The following HEATR1 variants were observed in gnomAD, a reference collection of about 807,000 sequenced individuals.
HEATR1 encodes the protein HEAT repeat-containing protein 1.
HEATR1 carries 77 observed loss-of-function variants against 248.2 expected under a neutral mutation model. That is an observed-to-expected ratio of 0.31 (90% confidence interval 0.26 to 0.37). The LOEUF (loss-of-function observed/expected upper bound fraction) is 0.37. HEATR1 is among the 10% of genes least tolerant of loss of function. The pLI is 1.00. For synonymous variants in HEATR1, 897 were observed against 923.1 expected (o/e 0.97, Z 0.51); for missense variants, 2,420 against 2,504.9 (o/e 0.97, Z 0.72).
chr1:236,559,967 A>T (rs1663082152), intron 33 of HEATR1, 130 bp from the exon 34 acceptor site: 8 of 958,754 alleles, frequency 8.3e-6, no homozygotes, highest in Non-Finnish European at 1.2e-5. Context: ...TATTTCAAAA[A>T]CTACTCGGAA....
intron 9 of HEATR1, 43 bp downstream of exon 9, chr1:236,593,969 C>T (rs1427915478): frequency 2.3e-6 from 3 of 1,301,258 alleles, no homozygotes; most frequent in South Asian, 1.3e-5. Flanking sequence ...TATACTGAGT[C>T]ACAAAAATGT....
At chr1:236,554,360 C>G (rs1011634457) in intron 42 of HEATR1, among the ~76,000 whole-genome samples, 6 of 152,298 alleles carry the variant, frequency 3.9e-5, no homozygotes, top group African/African-American at 1.2e-4. Flanking sequence ...CCACTGCACT[C>G]CAGCCTGGGT....
rs1488963538 is a variant in HEATR1, at chr1:236,604,245, T to C, written c.-32-118A>G. The C allele has an allele frequency of 3.3e-5, 24 of 733,408 alleles. No individual in the cohort carries two copies. The South Asian group carries it at 4.0e-4, about 12-fold the overall frequency. 45.4% of individuals were successfully genotyped at this position (733,408 alleles called of 1,614,324 possible). A position where few individuals can be genotyped will look rare whatever the true frequency, so the allele number is the denominator to read the frequency against. ...ACACACAACGCGGGTGTCCTGAGATTTGTGGACCCCGGAGATGCAAAGACG... is the reference window on the plus strand; with the variant it reads ...ACACACAACGCGGGTGTCCTGAGATCTGTGGACCCCGGAGATGCAAAGACG... On this transcript the variant is annotated intron_variant, in intron 1 of 44. Coordinates refer to ENST00000366582, the MANE Select transcript of HEATR1 (RefSeq NM_018072.6).
At position 236,566,651 on chromosome 1, in the gene HEATR1, C is replaced by T. The variant is rs530429868; in HGVS notation, c.4303G>A (p.Glu1435Lys). 110 of 1,610,940 alleles carry T rather than the reference C, an allele frequency of 6.8e-5. No homozygotes were observed. The highest frequency in any genetic ancestry group is 1.1e-4 in the South Asian group (10 of 90,928). Residue 1435 changes from glutamate (E) to lysine (K), a missense_variant, in exon 30 of 45, where the codon GAA becomes AAA. Transcript: ENST00000366582. ...TKTVLAAAYG[E>K]KDAILEADTE... Reference sequence around the variant, plus strand: ...TTCCCACCCTAGGTTCTGACCTTTTCGCCATAGGCAGCCGCCAGCACTGTT... The same window carrying T: ...TTCCCACCCTAGGTTCTGACCTTTTTGCCATAGGCAGCCGCCAGCACTGTT...
intron 20 of HEATR1, among the ~76,000 whole-genome samples, chr1:236,577,977 T>C (rs1248011907): frequency 6.6e-6 from 1 of 152,190 alleles, no homozygotes; most frequent in African/African-American, 2.4e-5. Flanking sequence ...ACTCTACAAA[T>C]ATTTGGTCCC....
chr1:236,554,778 G>GA (rs777196749), intron 41 of HEATR1, 26 bp from the exon 42 acceptor site: 2 of 1,577,774 alleles, frequency 1.3e-6, no homozygotes, highest in Non-Finnish European at 1.7e-6. Context: ...GAGTAAAAAT[G>GA]AAAAAACACT....
chr1:236,552,158 T>C, intron 43 of HEATR1, 51 bp from the exon 44 acceptor site: 1 of 1,234,166 alleles, frequency 8.1e-7, no homozygotes, highest in Non-Finnish European at 1.2e-6. Flanking sequence ...ACTGTATTTA[T>C]TATCTTAAGA....
chr1:236,552,684 A>C (rs1008467549), intron 43 of HEATR1: 1 of 152,290 alleles, frequency 6.6e-6, no homozygotes, highest in Non-Finnish European at 1.5e-5. Flanking sequence ...TAATAAGGAA[A>C]GCAAGCAGTA....
chr1:236,578,419 TGTTTTCCCAATTATGA>T (rs1663623349), intron 20 of HEATR1, among the ~76,000 whole-genome samples: 1 of 152,266 alleles, frequency 6.6e-6, no homozygotes, highest in Admixed American at 6.5e-5. Context: ...GGAATGCCTT[TGTTTTCCCAATTATGA>T]AGTGAAAACG....
intron 9 of HEATR1, among the ~76,000 whole-genome samples, chr1:236,593,810 T>C (rs562701891): frequency 1.3e-5 from 2 of 152,276 alleles, no homozygotes; most frequent in Non-Finnish European, 2.9e-5. Context: ...TTTTCATCTA[T>C]AAGCACTAAA....
Position 236,574,676 on chromosome 1 carries a change from G to C in HEATR1, c.3312C>G (p.Ile1104Met). 1 of 1,613,474 alleles carries C rather than the reference G, an allele frequency of 6.2e-7. No homozygotes were observed. The highest frequency in any genetic ancestry group is 1.1e-5 in the South Asian group (1 of 90,960). The change falls in exon 23 of 45, where the codon ATC becomes ATG. Residue 1104 changes from isoleucine to methionine, a missense_variant. Transcript: ENST00000366582. ...ELYAGMPTIQ[I>M]TALEKITKPF... ...AATCACTGACCTTTTCAAGGGCTGT[G>C]ATCTGAATGGTTGGCATTCCCGCGT...
chr1:236,557,174 G>GTCGTGGCTA (rs1383572431), intron 37 of HEATR1, 21 bp downstream of exon 37: 4 of 1,612,340 alleles, frequency 2.5e-6, no homozygotes, highest in Non-Finnish European at 3.4e-6. Flanking sequence ...TGCGTAGCAT[G>GTCGTGGCTA]TCGTGGCTAT....
rs1358205509 is a variant in HEATR1 at position 236,581,422 on chromosome 1, A to T, written c.2563-8T>A. 3.1e-6 allele frequency: 3 copies of T among 979,520 alleles called. No homozygotes were observed. The highest frequency in any genetic ancestry group is 4.6e-5 in the Admixed American group (1 of 21,806). 60.7% of individuals were successfully genotyped at this position (979,520 alleles called of 1,614,324 possible). A position where few individuals can be genotyped will look rare whatever the true frequency, so the allele number is the denominator to read the frequency against. ...AACATCTTCTAGATGCACCTAATTA[A>T]AAAAAAAAAAAAGCAAACTTTTAAT... is the stretch of plus-strand genomic sequence containing the variant. On this transcript the variant is annotated splice_polypyrimidine_tract_variant and splice_region_variant and intron_variant, in intron 19 of 44. Transcript: ENST00000366582.
Position 236,550,270 on chromosome 1 carries a change from A to C in HEATR1, c.*632T>G, listed in dbSNP as rs1188584833. ...AGCAGCCAGGTGTGAGCTGTTTTAG[A>C]AGCAGCGTGTTGCCTTCATCTCTCC... On this transcript the variant is annotated 3_prime_UTR_variant, in exon 45 of 45. Transcript: ENST00000366582. The C allele has an allele frequency of 6.6e-6, 1 of 152,180 alleles. No homozygotes were observed. The highest frequency in any genetic ancestry group is 1.9e-4 in the East Asian group (1 of 5,186). 9.4% of individuals were successfully genotyped at this position (152,180 alleles called of 1,614,324 possible).
In HEATR1 at chr1:236,557,354, AAAGT is replaced by A. The variant is rs1486122142; in HGVS notation, c.5205-13_5205-10del. 2 of 1,613,444 alleles carry A rather than the reference AAAGT, an allele frequency of 1.2e-6. No individual in the cohort carries two copies. The highest frequency in any genetic ancestry group is 1.3e-5 in the African/African-American group (1 of 75,038). On this transcript the variant is annotated splice_polypyrimidine_tract_variant and intron_variant, in intron 36 of 44. Coordinates refer to ENST00000366582, the MANE Select transcript of HEATR1 (RefSeq NM_018072.6). ...GCAACGATGGCATCAGGCTAGAAAC[AAAGT>A]AAGAGCTTTAGAAGAACTTGAAGCA...
chr1:236,590,884 GC>G lies in HEATR1; in HGVS notation c.1492del (p.Ala498ProfsTer2). On this transcript the variant is annotated frameshift_variant, in exon 12 of 45. Transcript: ENST00000366582. LOFTEE classifies it high-confidence loss of function. ...CATGATCTTTTTCAAATGATTCATG[GC>G]CAGAATTCTCACAGGAGCAAGTGGA... ...NHPLAPVRIL[A>X]MNHLKKIMKT... The G allele has an allele frequency of 6.6e-7, 1 of 1,520,422 alleles. No individual in the cohort carries two copies. Among genetic ancestry groups the G allele is most frequent in the Non-Finnish European group, 8.9e-7 (1 of 1,126,220 alleles). The allele number at this position is 1,520,422 out of a possible 1,614,324, so 94.2% of individuals were successfully genotyped here.
intron 28 of HEATR1, among the ~76,000 whole-genome samples, chr1:236,571,075 A>G (rs1458366920): frequency 6.6e-6 from 1 of 152,244 alleles, no homozygotes; most frequent in Non-Finnish European, 1.5e-5. Flanking sequence ...GCCAGGTATT[A>G]TGCTAAGTAC....
chr1:236,579,363 T>C (rs1416478450), intron 20 of HEATR1, among the ~76,000 whole-genome samples: 1 of 152,266 alleles, frequency 6.6e-6, no homozygotes, highest in African/African-American at 2.4e-5. Flanking sequence ...TCCATCTTGC[T>C]ATTTACAGTC....
At position 236,572,618 on chromosome 1, in the gene HEATR1, T is replaced by C. The variant is rs1189916258; in HGVS notation, c.3564-64A>G. 5.0e-6 allele frequency: 8 copies of C among 1,605,728 alleles called. No individual in the cohort carries two copies. The African/African-American group carries it at 6.7e-5, about 13-fold the overall frequency. On this transcript the variant is annotated intron_variant, in intron 25 of 44. Coordinates refer to ENST00000366582, the MANE Select transcript of HEATR1 (RefSeq NM_018072.6). ...TCTATCATGTGCTAAGTAAAAACCA[T>C]TGTGCCTGATTATAGCAAATTGATG...
Sources: gnomAD v4.1 joint callset for allele counts (sites outside exome capture counted in the v4.1 genomes callset) on GRCh38, gnomAD v4.1.1 for gene constraint, MANE v1.5 for transcripts, NCBI Gene and HGNC (gene_info 2026-07-23, HGNC 2026-07-21) for gene names.